The following IMMP2L variants were observed in gnomAD, a reference collection of about 807,000 sequenced individuals.
IMMP2L encodes mitochondrial inner membrane protease subunit 2.
IMMP2L carries 18 observed loss-of-function variants against 19.3 expected under a neutral mutation model. That is an observed-to-expected ratio of 0.93 (90% CI 0.64 to 1.38). The LOEUF (loss-of-function observed/expected upper bound fraction) is 1.38. Ranked by LOEUF, IMMP2L falls within the 40% of genes most tolerant of loss-of-function variation. The pLI, the probability that IMMP2L is intolerant of heterozygous loss-of-function variation, is 0.00. For synonymous variants in IMMP2L, 76 were observed against 73.0 expected (o/e 1.04, Z -0.21); for missense variants, 233 against 218.2 (o/e 1.07, Z -0.43).
chr7:111,015,465 G>C (rs1171445681), intron 3 of IMMP2L, among the ~76,000 whole-genome samples: 1 of 152,090 alleles, frequency 6.6e-6, no homozygotes, highest in Non-Finnish European at 1.5e-5. Flanking sequence ...AAATGAAAAA[G>C]TTCTGCAGAC....
chr7:111,502,217 CAAAG>C (rs572430243), intron 2 of IMMP2L, among the ~76,000 whole-genome samples: 2,612 of 152,112 alleles, frequency 0.017, 76 homozygotes, highest in African/African-American at 0.059. Flanking sequence ...TCAAAAGAGA[CAAAG>C]AAGGCCATTA....
intron 4 of IMMP2L, among the ~76,000 whole-genome samples, chr7:110,957,494 AG>A (rs1818473585): frequency 6.6e-6 from 1 of 151,964 alleles, no homozygotes; most frequent in African/African-American, 2.4e-5. Context: ...TTCTCCAAGC[AG>A]CAGAAAGAGT....
At chr7:110,922,972 CCTTTTATTTCACCAT>C (rs1376434655) in intron 4 of IMMP2L, among the ~76,000 whole-genome samples, 1 of 152,112 alleles carries the variant, frequency 6.6e-6, no homozygotes, top group African/African-American at 2.4e-5. Flanking sequence ...TGTTTCAAAG[CCTTTTATTTCACCAT>C]TACGAATTTC....
chr7:111,155,949 T>C (rs1485205465), intron 3 of IMMP2L, among the ~76,000 whole-genome samples: 1 of 152,116 alleles, frequency 6.6e-6, no homozygotes, highest in East Asian at 1.9e-4. Context: ...CTCATAGAGA[T>C]GAAAATATAT....
intron 5 of IMMP2L, among the ~76,000 whole-genome samples, chr7:110,731,379 C>T (rs1267493936): frequency 6.6e-6 from 1 of 152,104 alleles, no homozygotes; most frequent in Non-Finnish European, 1.5e-5. Context: ...TGAATGAATA[C>T]AGATGCTCTG....
chr7:111,283,950 G>A (rs1248018487), intron 3 of IMMP2L, among the ~76,000 whole-genome samples: 4 of 119,612 alleles, frequency 3.3e-5, no homozygotes, highest in East Asian at 4.8e-4. Context: ...CAGCCTGGGC[G>A]ACAGAGCGAG....
intron 3 of IMMP2L, among the ~76,000 whole-genome samples, chr7:111,054,517 T>C (rs1234061801): frequency 6.6e-6 from 1 of 152,242 alleles, no homozygotes; most frequent in Non-Finnish European, 1.5e-5. Context: ...CAATGAGCTA[T>C]GTCCCAGGAA....
At position 111,482,946 on chromosome 7, in the gene IMMP2L, C is replaced by T. The variant is rs761755732; in HGVS notation, c.239+4292G>A. On this transcript the variant is annotated intron_variant, in intron 3 of 5. Coordinates refer to ENST00000405709, the MANE Select transcript of IMMP2L (RefSeq NM_032549.4). Reference sequence around the variant, plus strand: ...AGGAACTGGCATATACTGAAGGTGACTAAAGAGACATAAAAAATAAAAAAT... The same window carrying T: ...AGGAACTGGCATATACTGAAGGTGATTAAAGAGACATAAAAAATAAAAAAT... Among the ~76,000 whole-genome samples the T allele has an allele frequency of 3.3e-4, 50 of 152,080 alleles. 1 individual carries two copies. The highest frequency in any genetic ancestry group is 6.6e-4 in the Non-Finnish European group (45 of 67,998).
At chr7:111,296,345 A>G (rs1821635948) in intron 3 of IMMP2L, among the ~76,000 whole-genome samples, 1 of 151,992 alleles carries the variant, frequency 6.6e-6, no homozygotes, top group Non-Finnish European at 1.5e-5. Context: ...AAACGACTAA[A>G]GTTAAAAACT....
chr7:111,517,817 A>T (rs1175412645), intron 2 of IMMP2L, among the ~76,000 whole-genome samples: 1 of 152,090 alleles, frequency 6.6e-6, no homozygotes, highest in Non-Finnish European at 1.5e-5. Flanking sequence ...TTCATAGGTA[A>T]CCTTTCAGCA....
chr7:111,116,807 A>C (rs199992247), intron 3 of IMMP2L, among the ~76,000 whole-genome samples: 1 of 152,180 alleles, frequency 6.6e-6, no homozygotes, highest in East Asian at 1.9e-4. Context: ...CAGTGCACCT[A>C]TACAGTTGGA....
At chr7:110,951,715 C>A (rs1049483445) in intron 4 of IMMP2L, among the ~76,000 whole-genome samples, 1 of 152,058 alleles carries the variant, frequency 6.6e-6, no homozygotes, top group African/African-American at 2.4e-5. Flanking sequence ...ACTGAACTTC[C>A]TATTGCCTTA....
In IMMP2L at chr7:111,394,045, C is replaced by T. The variant is rs150534105; in HGVS notation, c.239+93193G>A. 6.8e-3 allele frequency among the ~76,000 whole-genome samples: 1,042 copies of T among 152,178 alleles called. 12 individuals are homozygous for T. Among genetic ancestry groups the T allele is most frequent in the African/African-American group, 0.022 (922 of 41,494 alleles). ...CATCAGTCTGCTAGTCTCACTTTCA[C>T]CAATCAACATATTTCATTGATGATA... On this transcript the variant is annotated intron_variant, in intron 3 of 5. Transcript: ENST00000405709.
chr7:110,789,364 T>G (rs1475480085), intron 5 of IMMP2L, among the ~76,000 whole-genome samples: 1 of 151,784 alleles, frequency 6.6e-6, no homozygotes, highest in Non-Finnish European at 1.5e-5. Context: ...CAGAACAACT[T>G]GTACTCATCT....
chr7:111,332,177 G>A (rs1320460829), intron 3 of IMMP2L, among the ~76,000 whole-genome samples: 1 of 151,592 alleles, frequency 6.6e-6, no homozygotes, highest in Non-Finnish European at 1.5e-5. Flanking sequence ...AAGGACGTTA[G>A]TAAAGAAATA....
At chr7:111,194,098 A>G (rs984105312) in intron 3 of IMMP2L, among the ~76,000 whole-genome samples, 6 of 152,176 alleles carry the variant, frequency 3.9e-5, no homozygotes, top group Non-Finnish European at 7.3e-5. Context: ...AAGTTTCTAC[A>G]GCACCTTTAC....
intron 3 of IMMP2L, among the ~76,000 whole-genome samples, chr7:111,225,815 C>T (rs1339855326): frequency 1.3e-5 from 2 of 151,858 alleles, no homozygotes; most frequent in Non-Finnish European, 2.9e-5. Context: ...TTCTGACTTG[C>T]ATGTTGTTTC....
At chr7:110,689,384 T>C (rs1017501846) in intron 5 of IMMP2L, among the ~76,000 whole-genome samples, 29 of 152,126 alleles carry the variant, frequency 1.9e-4, no homozygotes, top group African/African-American at 6.5e-4. Flanking sequence ...TCTCCATATG[T>C]TTTAGCTGCT....
chr7:110,962,078 A>C (rs1819006221), intron 4 of IMMP2L, among the ~76,000 whole-genome samples: 1 of 152,000 alleles, frequency 6.6e-6, no homozygotes, highest in South Asian at 2.1e-4. Context: ...TAAATAAATT[A>C]TACCTCAATA....
Sources: allele counts gnomAD v4.1 joint callset (sites outside exome capture counted in the v4.1 genomes callset), GRCh38; gene constraint gnomAD v4.1.1; transcripts MANE v1.5; gene names NCBI Gene and HGNC (gene_info 2026-07-23, HGNC 2026-07-21).